RASA1: variants seen among roughly 807,000 people sequenced by gnomAD.
RASA1 encodes ras GTPase-activating protein 1.
RASA1 carries 25 observed loss-of-function variants against 132.2 expected under a neutral mutation model. The ratio of observed to expected loss-of-function variants is 0.19; its 90% confidence interval spans 0.14 to 0.26. RASA1 has a LOEUF of 0.26. Among genes scored for constraint, RASA1 ranks in the 10% least tolerant of loss-of-function variants. The pLI, the probability that RASA1 is intolerant of heterozygous loss-of-function variation, is 1.00. For missense variants in RASA1, 964 were observed against 1,299.2 expected, an observed-to-expected ratio of 0.74 and a Z score of 3.97; for synonymous variants, 477 against 449.9, an observed-to-expected ratio of 1.06 and a Z score of -0.76.
intron 1 of RASA1, among the ~76,000 whole-genome samples, chr5:87,270,932 A>G (rs1185273130): frequency 6.6e-6 from 1 of 151,954 alleles, no homozygotes; most frequent in East Asian, 1.9e-4. Context: ...CCCTGGGAGT[A>G]TTCTGGGAGT....
intron 9 of RASA1, among the ~76,000 whole-genome samples, chr5:87,360,402 G>C (rs958542107): frequency 1.3e-5 from 2 of 152,134 alleles, no homozygotes; most frequent in Non-Finnish European, 2.9e-5. Flanking sequence ...GGGATTAAAG[G>C]CGTGAGCAAA....
intron 1 of RASA1, among the ~76,000 whole-genome samples, chr5:87,319,103 C>G (rs1561277554): frequency 6.6e-6 from 1 of 152,244 alleles, no homozygotes; most frequent in Non-Finnish European, 1.5e-5. Flanking sequence ...CACGCTGATG[C>G]AAGGGGTGGC....
chr5:87,300,630 G>A (rs1364567069), intron 1 of RASA1, among the ~76,000 whole-genome samples: 1 of 152,148 alleles, frequency 6.6e-6, no homozygotes, highest in Non-Finnish European at 1.5e-5. Context: ...GAAATCTTAT[G>A]CAATTATTTA....
intron 5 of RASA1, 67 bp from the exon 6 acceptor site, chr5:87,341,223 A>G: frequency 3.1e-6 from 3 of 962,638 alleles, no homozygotes; most frequent in African/African-American, 3.4e-5. Context: ...TACGATTTTC[A>G]TGAATTTTAA....
At chr5:87,361,002 A>G (rs746260189) in intron 9 of RASA1, among the ~76,000 whole-genome samples, 31 of 152,212 alleles carry the variant, frequency 2.0e-4, no homozygotes, top group Non-Finnish European at 3.5e-4. Flanking sequence ...ATGCCGCAAT[A>G]CTTTGCAACA....
intron 1 of RASA1, among the ~76,000 whole-genome samples, chr5:87,309,266 C>T (rs1755759202): frequency 1.3e-5 from 2 of 151,924 alleles, no homozygotes; most frequent in African/African-American, 4.8e-5. Context: ...AGGAGACATA[C>T]AATAAATATG....
chr5:87,327,931 C>T (rs1368013625), intron 1 of RASA1, among the ~76,000 whole-genome samples: 2 of 150,512 alleles, frequency 1.3e-5, no homozygotes, highest in Middle Eastern at 3.2e-3. Context: ...CATGGCACTG[C>T]ACCCCAACCT....
At chr5:87,328,769 T>A (rs1175134518) in intron 1 of RASA1, among the ~76,000 whole-genome samples, 1 of 152,148 alleles carries the variant, frequency 6.6e-6, no homozygotes, top group East Asian at 1.9e-4. Context: ...GATTGTGGGT[T>A]AAAAAATGGT....
chr5:87,360,709 G>T (rs1187689935), intron 9 of RASA1, among the ~76,000 whole-genome samples: 1 of 152,040 alleles, frequency 6.6e-6, no homozygotes, highest in Non-Finnish European at 1.5e-5. Flanking sequence ...GAAGTAATAT[G>T]GTTCACTCAG....
chr5:87,351,307 CT>C (rs1383064955), intron 8 of RASA1, among the ~76,000 whole-genome samples: 3 of 151,532 alleles, frequency 2.0e-5, no homozygotes, highest in Non-Finnish European at 3.0e-5. Context: ...GATATAGTTT[CT>C]TCTTTATTAG....
chr5:87,361,992 G>A (rs1165882778), intron 9 of RASA1, among the ~76,000 whole-genome samples: 3 of 152,120 alleles, frequency 2.0e-5, no homozygotes, highest in Non-Finnish European at 4.4e-5. Context: ...TGAAATCATG[G>A]TTATAACACC....
chr5:87,289,505 A>G (rs1018603485), intron 1 of RASA1, among the ~76,000 whole-genome samples: 15 of 152,074 alleles, frequency 9.9e-5, no homozygotes, highest in African/African-American at 2.9e-4. Flanking sequence ...TTAGTTGGCA[A>G]TCTTCATTAG....
intron 1 of RASA1, among the ~76,000 whole-genome samples, chr5:87,313,303 G>A (rs562523167): frequency 2.0e-5 from 3 of 152,246 alleles, no homozygotes; most frequent in East Asian, 1.9e-4. Flanking sequence ...GGAGGTATAG[G>A]TATTCCTTGA....
chr5:87,378,579 ATATTT>A, intron 18 of RASA1, 41 bp downstream of exon 18: 2 of 1,537,468 alleles, frequency 1.3e-6, no homozygotes, highest in African/African-American at 1.4e-5. Flanking sequence ...TGCAAAGAAC[ATATTT>A]TAATAGGTAA....
intron 12 of RASA1, among the ~76,000 whole-genome samples, chr5:87,370,818 C>T (rs1760879959): frequency 6.6e-6 from 1 of 152,066 alleles, no homozygotes; most frequent in Admixed American, 6.6e-5. Context: ...TTTGCCAACC[C>T]TAGATATGAG....
At chr5:87,367,045 C>A (rs1244981242) in intron 11 of RASA1, among the ~76,000 whole-genome samples, 1 of 152,114 alleles carries the variant, frequency 6.6e-6, no homozygotes, top group Non-Finnish European at 1.5e-5. Context: ...AAAACTAAAC[C>A]AAAAACAACA....
At chr5:87,338,528 TATATAAA>T (rs1210558384) in intron 5 of RASA1, among the ~76,000 whole-genome samples, 3 of 102,506 alleles carry the variant, frequency 2.9e-5, no homozygotes, top group African/African-American at 7.2e-5. Context: ...TATATATATA[TATATAAA>T]ATTTTTTTTT....
chr5:87,309,381 A>G (rs986786508), intron 1 of RASA1, among the ~76,000 whole-genome samples: 7 of 152,172 alleles, frequency 4.6e-5, no homozygotes, highest in Non-Finnish European at 8.8e-5. Flanking sequence ...AGAAGTTGCC[A>G]TTTTAAATAG....
rs199778556 is a variant in RASA1 at position 87,306,608 on chromosome 5, TA to T, written c.540-24736del. ...AATCCTGCACATGTACCCCTGAACT[TA>T]AAAGTTGAAAAAAAAAATTCAGTCT... On this transcript the variant is annotated intron_variant, in intron 1 of 24. Transcript: ENST00000274376. 7.6e-3 allele frequency among the ~76,000 whole-genome samples: 1,148 copies of T among 151,946 alleles called. 7 individuals carry two copies. Among genetic ancestry groups the T allele is most frequent in the Non-Finnish European group, 0.013 (855 of 67,926 alleles).
Sources: allele counts gnomAD v4.1 joint callset (sites outside exome capture counted in the v4.1 genomes callset), GRCh38; gene constraint gnomAD v4.1.1; transcripts MANE v1.5; gene names NCBI Gene and HGNC (gene_info 2026-07-23, HGNC 2026-07-21).